Variants in PTPRM observed in about 807,000 individuals in gnomAD.
PTPRM encodes receptor-type tyrosine-protein phosphatase mu.
Under a neutral mutation model 186.7 loss-of-function variants are expected in PTPRM, and 47 were observed. The observed-to-expected ratio is 0.25, with a 90% confidence interval of 0.20 to 0.32. The LOEUF (loss-of-function observed/expected upper bound fraction) is 0.32. Among genes scored for constraint, PTPRM ranks in the 10% least tolerant of loss-of-function variants. The pLI, the probability that PTPRM is intolerant of heterozygous loss-of-function variation, is 1.00. For synonymous variants in PTPRM, 668 were observed against 674.9 expected (o/e 0.99, Z 0.16); for missense variants, 1,494 against 1,865.0 (o/e 0.80, Z 3.66).
At chr18:7,759,930 C>T (rs1377029610) in intron 1 of PTPRM, among the ~76,000 whole-genome samples, 1 of 152,122 alleles carries the variant, frequency 6.6e-6, no homozygotes, top group Non-Finnish European at 1.5e-5. Flanking sequence ...ATCTTTTCAG[C>T]AAATATGATG....
intron 1 of PTPRM, among the ~76,000 whole-genome samples, chr18:7,729,705 A>G (rs1244758236): frequency 6.6e-6 from 1 of 152,136 alleles, no homozygotes; most frequent in Non-Finnish European, 1.5e-5. Context: ...TATCATTTCA[A>G]AGCACACAGT....
rs142487005 is a variant in PTPRM at position 8,098,557 on chromosome 18, A to T, written c.1856+9706A>T. 2.0e-5 allele frequency among the ~76,000 whole-genome samples: 3 copies of T among 152,306 alleles called. No individual in the cohort carries two copies. The East Asian group carries it at 5.8e-4, about 29-fold the overall frequency. On this transcript the variant is annotated intron_variant, in intron 11 of 32. Transcript: ENST00000580170. ...AAAAGTTAAATATCATGAACCTTCCATAGAATGCAGAGCTATAAAAGAACA... is the reference window on the plus strand; with the variant it reads ...AAAAGTTAAATATCATGAACCTTCCTTAGAATGCAGAGCTATAAAAGAACA...
At chr18:8,227,647 A>T (rs1437718924) in intron 14 of PTPRM, among the ~76,000 whole-genome samples, 2 of 152,212 alleles carry the variant, frequency 1.3e-5, no homozygotes, top group Non-Finnish European at 2.9e-5. Flanking sequence ...AGTTTAACAA[A>T]CATCATCAAG....
At chr18:7,599,543 T>C (rs2037348129) in intron 1 of PTPRM, among the ~76,000 whole-genome samples, 1 of 152,140 alleles carries the variant, frequency 6.6e-6, no homozygotes, top group Non-Finnish European at 1.5e-5. Context: ...TCCCAACAGC[T>C]CTCATCATTT....
chr18:8,126,026 TA>T (rs1234063225), intron 13 of PTPRM, among the ~76,000 whole-genome samples: 9 of 61,308 alleles, frequency 1.5e-4, no homozygotes, highest in South Asian at 1.2e-3. Flanking sequence ...TATATATATA[TA>T]TTTTAAATCA....
chr18:8,024,895 G>A (rs371260931), intron 7 of PTPRM, among the ~76,000 whole-genome samples: 375 of 151,934 alleles, frequency 2.5e-3, no homozygotes, highest in Non-Finnish European at 4.4e-3. Context: ...TGTTGCCCAG[G>A]CTTGTCTGGA....
chr18:7,578,484 C>T (rs866547141), intron 1 of PTPRM, among the ~76,000 whole-genome samples: 8 of 151,938 alleles, frequency 5.3e-5, no homozygotes, highest in Admixed American at 2.0e-4. Flanking sequence ...TATAGGCGCC[C>T]GCCACCATGC....
intron 14 of PTPRM, among the ~76,000 whole-genome samples, chr18:8,176,534 A>C (rs543400830): frequency 6.6e-6 from 1 of 152,352 alleles, no homozygotes; most frequent in African/African-American, 2.4e-5. Context: ...TTTATAGAAC[A>C]TTGCTGTCAA....
chr18:7,839,615 A>T (rs1281905498), intron 2 of PTPRM, among the ~76,000 whole-genome samples: 1 of 152,158 alleles, frequency 6.6e-6, no homozygotes, highest in East Asian at 1.9e-4. Context: ...AAGCAGAGAG[A>T]TGGGGTCTCT....
chr18:8,056,901 G>A (rs979477161), intron 7 of PTPRM, among the ~76,000 whole-genome samples: 1 of 152,030 alleles, frequency 6.6e-6, no homozygotes, highest in Non-Finnish European at 1.5e-5. Context: ...AGGGCGTATA[G>A]ACAAAGATGC....
At chr18:8,305,976 C>T (rs1041291987) in intron 20 of PTPRM, among the ~76,000 whole-genome samples, 5 of 151,836 alleles carry the variant, frequency 3.3e-5, no homozygotes, top group East Asian at 1.9e-4. Flanking sequence ...CAGCTCACTG[C>T]GGCCTCTGCC....
intron 1 of PTPRM, among the ~76,000 whole-genome samples, chr18:7,762,367 A>T (rs2041816045): frequency 6.6e-6 from 1 of 152,050 alleles, no homozygotes; most frequent in Non-Finnish European, 1.5e-5. Context: ...CAGGGACCGC[A>T]TGAGCATAGG....
chr18:8,402,907 A>C (rs1422151871), intron 32 of PTPRM: 1 of 152,238 alleles, frequency 6.6e-6, no homozygotes, highest in Non-Finnish European at 1.5e-5. Flanking sequence ...ATTTAAGGGA[A>C]ATACAGGCTA....
chr18:8,258,473 C>T (rs777896557), intron 19 of PTPRM, among the ~76,000 whole-genome samples: 2 of 152,216 alleles, frequency 1.3e-5, no homozygotes, highest in Non-Finnish European at 2.9e-5. Flanking sequence ...CTTGATACCA[C>T]GTCAGGTCCA....
chr18:7,893,657 G>A (rs1045226050), intron 3 of PTPRM, among the ~76,000 whole-genome samples: 4 of 152,110 alleles, frequency 2.6e-5, no homozygotes, highest in Non-Finnish European at 4.4e-5. Context: ...AGCAAGCATC[G>A]GCCTTGGAAC....
intron 14 of PTPRM, among the ~76,000 whole-genome samples, chr18:8,210,989 G>T (rs903001455): frequency 6.6e-6 from 1 of 152,230 alleles, no homozygotes; most frequent in African/African-American, 2.4e-5. Context: ...TATGTAAGGT[G>T]AGGACTAAAA....
chr18:8,306,698 C>T lies in PTPRM; in HGVS notation c.2843-8083C>T, dbSNP rs190991267. On this transcript the variant is annotated intron_variant, in intron 20 of 32. Coordinates refer to ENST00000580170, the MANE Select transcript of PTPRM (RefSeq NM_001105244.2). Reference sequence around the variant, plus strand: ...TTTTTCCTCCCTTCAACCCCAATGGCTAGACCCTGGCCCTGAGAGAGGGCC... The same window carrying T: ...TTTTTCCTCCCTTCAACCCCAATGGTTAGACCCTGGCCCTGAGAGAGGGCC... 1.2e-4 allele frequency among the ~76,000 whole-genome samples: 19 copies of T among 152,334 alleles called. No homozygotes were observed. In the East Asian group the frequency reaches 3.5e-3, roughly 28 times the overall value.
chr18:8,229,712 A>G (rs1207854484), intron 14 of PTPRM, among the ~76,000 whole-genome samples: 2 of 152,204 alleles, frequency 1.3e-5, no homozygotes, highest in South Asian at 2.1e-4. Flanking sequence ...AAGAAAGCCA[A>G]TCTTTTCCAA....
At chr18:8,402,167 G>T (rs2095875764) in intron 32 of PTPRM, among the ~76,000 whole-genome samples, 1 of 152,206 alleles carries the variant, frequency 6.6e-6, no homozygotes, top group Non-Finnish European at 1.5e-5. Context: ...AATGTAATCA[G>T]TTTCCAATGT....
Sources: allele counts gnomAD v4.1 joint callset (sites outside exome capture counted in the v4.1 genomes callset), GRCh38; gene constraint gnomAD v4.1.1; transcripts MANE v1.5; gene names NCBI Gene and HGNC (gene_info 2026-07-23, HGNC 2026-07-21).